Variants in ELMOD2 observed in about 807,000 individuals in gnomAD.
The protein encoded by ELMOD2 is ELMO domain containing 2.
Under a neutral mutation model 41.0 loss-of-function variants are expected in ELMOD2, and 28 were observed. That is an observed-to-expected ratio of 0.68 (90% CI 0.51 to 0.94). ELMOD2 has a LOEUF of 0.94. Among genes scored for constraint, ELMOD2 ranks in the 40% least tolerant of loss-of-function variants. ELMOD2 has a pLI of 0.00. For synonymous variants in ELMOD2, 106 were observed against 107.2 expected (o/e 0.99, Z 0.07); for missense variants, 333 against 343.1 (o/e 0.97, Z 0.23).
rs757993874 is a variant in ELMOD2, at chr4:140,530,624, TGGAG to T, written c.171+3133_171+3136del. 3.3e-5 allele frequency among the ~76,000 whole-genome samples: 5 copies of T among 152,336 alleles called. No homozygotes were observed. In the East Asian group the frequency reaches 5.8e-4, roughly 18 times the overall value. ...AAAAATAGAAATTGCTATAGTACTTTGGAGGGCATCCTGCAAAGAGAGTGGTCAA... is the reference window on the plus strand; with the variant it reads ...AAAAATAGAAATTGCTATAGTACTTTGGCATCCTGCAAAGAGAGTGGTCAA... On this transcript the variant is annotated intron_variant, in intron 3 of 8. Transcript: ENST00000323570.
At chr4:140,542,455 T>G (rs1351602018) in intron 6 of ELMOD2, 119 bp from the exon 7 acceptor site, 1 of 671,204 alleles carries the variant, frequency 1.5e-6, no homozygotes, top group Non-Finnish European at 2.4e-6. Flanking sequence ...GAGACAGATA[T>G]CAGGATACTC....
At chr4:140,527,613 C>A in intron 3 of ELMOD2, 119 bp downstream of exon 3, 1 of 792,858 alleles carries the variant, frequency 1.3e-6, no homozygotes, top group Non-Finnish European at 2.0e-6. Context: ...GTGAAATTTT[C>A]CCCGTTTAGA....
chr4:140,549,958 A>T (rs1255226752), intron 8 of ELMOD2, among the ~76,000 whole-genome samples: 1 of 152,048 alleles, frequency 6.6e-6, no homozygotes, highest in Non-Finnish European at 1.5e-5. Flanking sequence ...AAGTGCTGAG[A>T]GTTCAGGTAT....
At chr4:140,547,131 AC>A (rs1735314876) in intron 8 of ELMOD2, among the ~76,000 whole-genome samples, 1 of 152,284 alleles carries the variant, frequency 6.6e-6, no homozygotes, top group Admixed American at 6.5e-5. Flanking sequence ...GAATGTGCAT[AC>A]TTTTTTGGTA....
At chr4:140,540,340 A>T (rs773128078) in intron 6 of ELMOD2, 39 bp downstream of exon 6, 1 of 1,606,678 alleles carries the variant, frequency 6.2e-7, no homozygotes, top group Non-Finnish European at 8.5e-7. Flanking sequence ...CCTAAATGAA[A>T]TTACATTTAA....
chr4:140,545,725 T>G (rs554976601), intron 8 of ELMOD2, among the ~76,000 whole-genome samples: 1 of 152,282 alleles, frequency 6.6e-6, no homozygotes, highest in South Asian at 2.1e-4. Flanking sequence ...CTAATTTTTT[T>G]TTTAAATGAA....
chr4:140,533,018 G>A (rs1378565110), intron 3 of ELMOD2, among the ~76,000 whole-genome samples: 2 of 152,024 alleles, frequency 1.3e-5, no homozygotes, highest in Non-Finnish European at 2.9e-5. Flanking sequence ...AAATATTCAG[G>A]GCTAAATTTA....
At position 140,550,381 on chromosome 4, in the gene ELMOD2, C is replaced by G; in HGVS notation, c.*6C>G. The G allele has an allele frequency of 6.3e-7, 1 of 1,589,710 alleles. No individual in the cohort carries two copies. On this transcript the variant is annotated 3_prime_UTR_variant, in exon 9 of 9. Transcript: ENST00000323570. ...CACTTACTTTAAAAGTATAAATCATCCACTGTATCTTCTATTTCTACCACA... is the reference window on the plus strand; with the variant it reads ...CACTTACTTTAAAAGTATAAATCATGCACTGTATCTTCTATTTCTACCACA...
At chr4:140,548,837 T>C (rs1237904227) in intron 8 of ELMOD2, among the ~76,000 whole-genome samples, 1 of 152,102 alleles carries the variant, frequency 6.6e-6, no homozygotes. Flanking sequence ...GGGGTGGTTT[T>C]ATTTTTTGCT....
At chr4:140,548,401 C>T (rs903754945) in intron 8 of ELMOD2, among the ~76,000 whole-genome samples, 2 of 152,106 alleles carry the variant, frequency 1.3e-5, no homozygotes. Context: ...ACCCATATAT[C>T]ATGGTTGACA....
rs368666273 is a variant in ELMOD2, at chr4:140,525,414, C to T, written c.-9-6C>T. 6.2e-6 allele frequency: 10 copies of T among 1,610,648 alleles called. No homozygotes were observed. The African/African-American group carries it at 9.4e-5, about 15-fold the overall frequency. On this transcript the variant is annotated splice_region_variant and splice_polypyrimidine_tract_variant and intron_variant, in intron 1 of 8. Transcript: ENST00000323570. ...TAAGCTTGTCTTGTATGTTTCCCTC[C>T]TCCAGGAAAAAAAAATGTTTATTTC...
intron 2 of ELMOD2, among the ~76,000 whole-genome samples, chr4:140,526,310 T>C (rs1045223950): frequency 1.3e-5 from 2 of 152,218 alleles, no homozygotes; most frequent in African/African-American, 2.4e-5. Flanking sequence ...ACATTTTGGC[T>C]TGTGTTATAT....
At chr4:140,532,211 C>CTGGT (rs1734773264) in intron 3 of ELMOD2, among the ~76,000 whole-genome samples, 5 of 148,560 alleles carry the variant, frequency 3.4e-5, no homozygotes, top group African/African-American at 9.9e-5. Context: ...GTTGACCAGG[C>CTGGT]TGGTGTGCAG....
At chr4:140,543,175 T>C (rs1289111980) in intron 7 of ELMOD2, among the ~76,000 whole-genome samples, 1 of 151,954 alleles carries the variant, frequency 6.6e-6, no homozygotes, top group Non-Finnish European at 1.5e-5. Context: ...GTGTCTATAG[T>C]CCCCCTGACC....
At chr4:140,546,238 A>G (rs1034618609) in intron 8 of ELMOD2, among the ~76,000 whole-genome samples, 4 of 152,180 alleles carry the variant, frequency 2.6e-5, no homozygotes, top group Admixed American at 6.5e-5. Context: ...TCGCAAGGAC[A>G]GAAAACCAAA....
intron 5 of ELMOD2, 38 bp downstream of exon 5, chr4:140,537,579 C>G (rs1014435218): frequency 6.3e-7 from 1 of 1,588,056 alleles, no homozygotes; most frequent in African/African-American, 1.4e-5. Flanking sequence ...TTGTTGAACG[C>G]TAGAAAAATA....
chr4:140,535,137 TTCTCTCTCTCTCTCTC>T (rs10526729), intron 3 of ELMOD2, among the ~76,000 whole-genome samples: 53 of 141,504 alleles, frequency 3.7e-4, no homozygotes, highest in East Asian at 1.4e-3. Context: ...ATCTGTTTCT[TTCTCTCTCTCTCTCTC>T]TCTCTCTCTC....
At chr4:140,532,274 C>T (rs1734775465) in intron 3 of ELMOD2, among the ~76,000 whole-genome samples, 3 of 150,700 alleles carry the variant, frequency 2.0e-5, no homozygotes, top group Admixed American at 1.3e-4. Context: ...AAGCAGTTCT[C>T]TCACCTCAGT....
intron 1 of ELMOD2, 56 bp from the exon 2 acceptor site, chr4:140,525,357 TTTTTAAA>T (rs1378932241): frequency 7.0e-7 from 1 of 1,435,654 alleles, no homozygotes; most frequent in East Asian, 2.5e-5. Flanking sequence ...TTGTATAAAC[TTTTTAAA>T]TTTTAAAATT....
Sources: gnomAD v4.1 joint callset for allele counts (sites outside exome capture counted in the v4.1 genomes callset) on GRCh38, gnomAD v4.1.1 for gene constraint, MANE v1.5 for transcripts, NCBI Gene and HGNC (gene_info 2026-07-23, HGNC 2026-07-21) for gene names.